MME: variants seen among roughly 807,000 people sequenced by gnomAD.
The protein encoded by MME is neprilysin.
A neutral mutation model predicts 113.2 loss-of-function variants in MME; 98 were observed. The observed-to-expected ratio is 0.87, with a 90% CI of 0.74 to 1.02. MME has a LOEUF of 1.02. MME is among the 50% of genes least tolerant of loss of function. The probability of loss-of-function intolerance (pLI) is 0.00; values close to 1 mark genes in which losing one functional copy is unlikely to be tolerated. For synonymous variants in MME, 292 were observed against 300.6 expected (o/e 0.97, Z 0.30); for missense variants, 836 against 896.0 (o/e 0.93, Z 0.86).
chr3:155,135,422 T>G (rs1006401193), intron 8 of MME, among the ~76,000 whole-genome samples: 2 of 96,670 alleles, frequency 2.1e-5, no homozygotes, highest in Admixed American at 2.4e-4. Context: ...TTTTGTCAAC[T>G]TTGTCACAGA....
chr3:155,138,130 T>A lies in MME; in HGVS notation c.749T>A (p.Ile250Asn). ...EACTAYVDFMISVARLIRQEE... is the reference protein window; with the variant it reads ...EACTAYVDFMNSVARLIRQEE... ...TGTACAGCATATGTGGATTTTATGA[T>A]TTCTGTGGCCAGATTGATTCGTCAG... The change falls in exon 9 of 23, where the codon ATT (isoleucine) becomes AAT (asparagine). Residue 250 changes from isoleucine to asparagine, a missense_variant. Ile to Asn is a moderately radical substitution (Grantham distance 149). Transcript: ENST00000360490. 4 of 1,613,810 alleles carry A rather than the reference T, an allele frequency of 2.5e-6. No homozygotes were observed. Among genetic ancestry groups the A allele is most frequent in the Non-Finnish European group, 3.4e-6 (4 of 1,179,806 alleles).
chr3:155,174,331 T>C (rs1712292875), intron 22 of MME, among the ~76,000 whole-genome samples: 1 of 81,514 alleles, frequency 1.2e-5, no homozygotes, highest in Non-Finnish European at 2.2e-5. Flanking sequence ...GAAGCGTGTG[T>C]GTGTGTGTGT....
intron 1 of MME, among the ~76,000 whole-genome samples, chr3:155,044,068 C>T (rs113496266): frequency 0.013 from 1,967 of 151,054 alleles, 42 homozygotes; most frequent in African/African-American, 0.045. Flanking sequence ...TTTATACATT[C>T]CTCATTAAGT....
At chr3:155,176,444 A>G (rs1051717899) in intron 22 of MME, among the ~76,000 whole-genome samples, 2 of 152,236 alleles carry the variant, frequency 1.3e-5, no homozygotes, top group Non-Finnish European at 2.9e-5. Flanking sequence ...TCATGTACAT[A>G]TCTTCTAATA....
At chr3:155,118,593 AT>A (rs1718819158) in intron 7 of MME, among the ~76,000 whole-genome samples, 152 bp from the exon 8 acceptor site, 1 of 152,162 alleles carries the variant, frequency 6.6e-6, no homozygotes, top group Non-Finnish European at 1.5e-5. Context: ...TGTAGAAAGC[AT>A]TTCCTAACTA....
chr3:155,112,169 C>CAG, intron 3 of MME: 1 of 152,220 alleles, frequency 6.6e-6, no homozygotes, highest in Non-Finnish European at 1.5e-5. Flanking sequence ...TCTATTTTCA[C>CAG]AGAGCCACAG....
At chr3:155,157,498 T>A (rs1478821766) in intron 16 of MME, among the ~76,000 whole-genome samples, 1 of 152,182 alleles carries the variant, frequency 6.6e-6, no homozygotes, top group Admixed American at 6.6e-5. Flanking sequence ...CAGCATCAAA[T>A]TTGGACTGCA....
intron 1 of MME, among the ~76,000 whole-genome samples, chr3:155,060,901 T>C (rs986215287): frequency 6.6e-6 from 1 of 152,028 alleles, no homozygotes; most frequent in Admixed American, 6.6e-5. Flanking sequence ...CTTTCTCTTC[T>C]TATAAGGACA....
At chr3:155,050,909 C>G (rs1455790497) in intron 1 of MME, among the ~76,000 whole-genome samples, 1 of 152,080 alleles carries the variant, frequency 6.6e-6, no homozygotes, top group African/African-American at 2.4e-5. Flanking sequence ...TTTGCCGGTT[C>G]CTATGAGGTG....
chr3:155,092,074 TC>T (rs1233004771), intron 3 of MME, among the ~76,000 whole-genome samples: 3 of 152,252 alleles, frequency 2.0e-5, no homozygotes, highest in Non-Finnish European at 4.4e-5. Flanking sequence ...ACAGAGGATT[TC>T]CCCTCCCTCT....
At chr3:155,042,415 G>A (rs1042156446) in intron 1 of MME, among the ~76,000 whole-genome samples, 2 of 152,108 alleles carry the variant, frequency 1.3e-5, no homozygotes, top group African/African-American at 4.8e-5. Flanking sequence ...TCTCCTGAAA[G>A]GTAAGCAATT....
intron 22 of MME, among the ~76,000 whole-genome samples, chr3:155,179,217 C>A (rs1162337385): frequency 6.6e-6 from 1 of 152,012 alleles, no homozygotes. Context: ...GTTTGAGGAA[C>A]TGAAGGTAGG....
chr3:155,044,125 C>CTTTTTTTTTTT (rs5853709), intron 1 of MME, among the ~76,000 whole-genome samples: 12 of 89,228 alleles, frequency 1.3e-4, no homozygotes, highest in South Asian at 3.9e-4. Flanking sequence ...CTTCCTTTTT[C>CTTTTTTTTTTT]TTTTTTTTTT....
At position 155,041,364 on chromosome 3, in the gene MME, G is replaced by A. The variant is rs113498468; in HGVS notation, c.-11+17040G>A. ...TTACAACATTTCACCTGTAGTCAAC[G>A]ATAATGTATGATTCACTTAAAAATT... On this transcript the variant is annotated intron_variant, in intron 1 of 22. Transcript: ENST00000492661. Among the ~76,000 whole-genome samples, 142 of 152,234 alleles carry A rather than the reference G, an allele frequency of 9.3e-4. 1 individual carries two copies. The highest frequency in any genetic ancestry group is 3.2e-3 in the African/African-American group (133 of 41,552).
chr3:155,077,858 A>AT (rs113892746), upstream of MME, among the ~76,000 whole-genome samples: 5,482 of 149,808 alleles, frequency 0.037, 156 homozygotes, highest in South Asian at 0.1. Flanking sequence ...CTAAGTAGGC[A>AT]TTTTTTTTTT....
intron 3 of MME, among the ~76,000 whole-genome samples, chr3:155,086,456 G>C (rs1715735742): frequency 6.6e-6 from 1 of 152,186 alleles, no homozygotes; most frequent in Non-Finnish European, 1.5e-5. Context: ...GGAAGTATTT[G>C]AGTTCTCAAA....
intron 1 of MME, among the ~76,000 whole-genome samples, chr3:155,058,873 C>A: frequency 6.6e-6 from 1 of 152,166 alleles, no homozygotes; most frequent in East Asian, 1.9e-4. Flanking sequence ...TTCTCTCACA[C>A]AAGGCACAGG....
intron 4 of MME, among the ~76,000 whole-genome samples, chr3:155,115,405 T>A (rs1277786282): frequency 1.6e-5 from 2 of 124,968 alleles, no homozygotes; most frequent in Non-Finnish European, 3.4e-5. Context: ...TCTCTAGAGA[T>A]GGCAGGTTTG....
Position 155,084,245 on chromosome 3 carries a change from A to G in MME, c.78A>G (p.Pro26=), listed in dbSNP as rs201012179. 3.6e-5 allele frequency: 58 copies of G among 1,614,060 alleles called. No individual in the cohort carries two copies. The highest frequency in any genetic ancestry group is 4.9e-5 in the Non-Finnish European group (58 of 1,180,020). ...PKPKKKQRWT[P]LEISLSVLVL... ...CAAAGAAGAAACAGCGATGGACTCC[A>G]CTGGAGATCAGCCTCTCGGTCCTTG... The change falls in exon 2 of 23, where the codon CCA becomes CCG. Residue 26 remains proline, a synonymous_variant. Transcript: ENST00000360490.
Sources: gnomAD v4.1 joint callset for allele counts (sites outside exome capture counted in the v4.1 genomes callset) on GRCh38, gnomAD v4.1.1 for gene constraint, MANE v1.5 for transcripts, NCBI Gene and HGNC (gene_info 2026-07-23, HGNC 2026-07-21) for gene names.